MINK1: variants seen among roughly 807,000 people sequenced by gnomAD.
MINK1 encodes the protein misshapen like kinase 1, also known as misshapen-like kinase 1.
In MINK1, 46 loss-of-function variants were observed where a neutral mutation model predicts 178.4. The ratio of observed to expected loss-of-function variants is 0.26; its 90% confidence interval spans 0.20 to 0.33. The LOEUF is 0.33. Among genes scored for constraint, MINK1 ranks in the 10% least tolerant of loss-of-function variants. MINK1 has a pLI of 1.00. For synonymous variants in MINK1, 797 were observed against 709.7 expected (o/e 1.12, Z -1.96); for missense variants, 1,366 against 1,814.9 (o/e 0.75, Z 4.49).
intron 1 of MINK1, among the ~76,000 whole-genome samples, chr17:4,835,651 A>AAAAT (rs1332420810): frequency 6.6e-6 from 1 of 152,016 alleles, no homozygotes; most frequent in African/African-American, 2.4e-5. Flanking sequence ...AAAACAAAAA[A>AAAAT]ACGGGGCGGG....
At chr17:4,843,198 T>A (rs1910511408) in intron 1 of MINK1, among the ~76,000 whole-genome samples, 1 of 152,066 alleles carries the variant, frequency 6.6e-6, no homozygotes, top group African/African-American at 2.4e-5. Flanking sequence ...TGGTTTGGGC[T>A]GGGCGCAGTG....
intron 13 of MINK1, 26 bp from the exon 14 acceptor site, chr17:4,890,491 C>T (rs1430773991): frequency 5.1e-6 from 8 of 1,564,908 alleles, no homozygotes; most frequent in Non-Finnish European, 6.9e-6. Context: ...CCCTGCTGAG[C>T]CCTCTCTCCC....
At chr17:4,857,839 G>A (rs902327059) in intron 1 of MINK1, among the ~76,000 whole-genome samples, 2 of 151,948 alleles carry the variant, frequency 1.3e-5, no homozygotes, top group African/African-American at 4.8e-5. Flanking sequence ...CACACACACA[G>A]CCTTTAGCTA....
intron 1 of MINK1, among the ~76,000 whole-genome samples, chr17:4,864,148 C>T (rs948648165): frequency 6.6e-6 from 1 of 151,768 alleles, no homozygotes; most frequent in Non-Finnish European, 1.5e-5. Flanking sequence ...GCCTGTAATC[C>T]CGGCACTTTG....
At chr17:4,844,867 A>G (rs903849936) in intron 1 of MINK1, among the ~76,000 whole-genome samples, 5 of 152,134 alleles carry the variant, frequency 3.3e-5, no homozygotes, top group African/African-American at 9.7e-5. Flanking sequence ...AAGTATATGT[A>G]AGACTTACCA....
chr17:4,879,844 T>A (rs531866312), intron 2 of MINK1, among the ~76,000 whole-genome samples: 1 of 152,362 alleles, frequency 6.6e-6, no homozygotes, highest in South Asian at 2.1e-4. Flanking sequence ...GTCTCTGTTC[T>A]TTCCCTATCG....
chr17:4,878,238 G>A (rs1009980961), intron 1 of MINK1, 79 bp from the exon 2 acceptor site: 12 of 1,317,160 alleles, frequency 9.1e-6, no homozygotes, highest in Admixed American at 8.0e-5. Flanking sequence ...ATCTTGACTG[G>A]ATACCACTTT....
chr17:4,880,009 C>A (rs562266661), intron 2 of MINK1, among the ~76,000 whole-genome samples: 11 of 152,290 alleles, frequency 7.2e-5, no homozygotes, highest in Admixed American at 6.5e-4. Flanking sequence ...CCTACTGCCT[C>A]CATCCTCCGT....
At chr17:4,892,047 A>G in intron 16 of MINK1, 102 bp from the exon 17 acceptor site, 1 of 967,578 alleles carries the variant, frequency 1.0e-6, no homozygotes, top group Admixed American at 2.5e-5. Flanking sequence ...CAGTTTTCTC[A>G]TCCATCAAAG....
intron 1 of MINK1, among the ~76,000 whole-genome samples, chr17:4,838,681 C>T (rs1314971234): frequency 1.3e-5 from 2 of 152,150 alleles, no homozygotes; most frequent in Admixed American, 6.5e-5. Flanking sequence ...TAAAGCAATT[C>T]TGGACTGGAG....
chr17:4,845,091 G>T (rs1910820271), intron 1 of MINK1, among the ~76,000 whole-genome samples: 1 of 152,136 alleles, frequency 6.6e-6, no homozygotes, highest in Non-Finnish European at 1.5e-5. Context: ...GTTGAGCAGA[G>T]GGTCTGACCG....
chr17:4,892,207 C>A lies in MINK1; in HGVS notation c.2060C>A (p.Ser687Tyr), dbSNP rs148896757. The A allele has an allele frequency of 1.4e-4, 228 of 1,596,062 alleles. 1 individual carries two copies. The African/African-American group carries it at 2.7e-3, about 19-fold the overall frequency. ...TALNTSGAGG[S>Y]RPAQAVRARP... is the part of the protein sequence containing the mutation. ...CTTAACACCAGTGGGGCCGGAGGGT[C>A]CCGGCCAGCCCAGGCAGTCCGTGCC... Residue 687 changes from serine to tyrosine, a missense_variant, in exon 17 of 32, where the codon TCC (serine) becomes TAC (tyrosine). Physicochemically the swap from Ser to Tyr is moderately radical, Grantham distance 144. Transcript: ENST00000355280.
chr17:4,873,144 G>A (rs886410358), intron 1 of MINK1, among the ~76,000 whole-genome samples: 7 of 152,164 alleles, frequency 4.6e-5, no homozygotes, highest in South Asian at 2.1e-4. Flanking sequence ...CTCTTCTGGC[G>A]TCTGTTCTGC....
Position 4,891,252 on chromosome 17 carries a change from G to A in MINK1, c.1740+128G>A, listed in dbSNP as rs898259318. 6.6e-5 allele frequency: 77 copies of A among 1,158,794 alleles called. No homozygotes were observed. The East Asian group carries it at 2.0e-3, about 29-fold the overall frequency. The allele number at this position is 1,158,794 out of a possible 1,614,324, so 71.8% of individuals were successfully genotyped here. On this transcript the variant is annotated intron_variant, in intron 15 of 31. Coordinates refer to ENST00000355280, the MANE Select transcript of MINK1 (RefSeq NM_153827.5). ...TGCTCAGCCGTGAGCCAGGATTACA[G>A]AGCACAGGCTTTGTGGACAGACTCA...
chr17:4,876,440 A>G (rs1239842907), intron 1 of MINK1, among the ~76,000 whole-genome samples: 1 of 150,954 alleles, frequency 6.6e-6, no homozygotes, highest in Non-Finnish European at 1.5e-5. Context: ...AGAAAATGGA[A>G]AAAGTGCACA....
chr17:4,834,846 A>G, intron 1 of MINK1: 1 of 520,102 alleles, frequency 1.9e-6, no homozygotes, highest in Non-Finnish European at 3.8e-6. Context: ...GAACATGGCC[A>G]GTAGTGGGAA....
chr17:4,835,679 G>A (rs1909213068), intron 1 of MINK1, among the ~76,000 whole-genome samples: 1 of 152,138 alleles, frequency 6.6e-6, no homozygotes, highest in African/African-American at 2.4e-5. Context: ...CACAACCTTT[G>A]CTTTGAACCT....
chr17:4,875,699 G>A (rs1967117854), intron 1 of MINK1, among the ~76,000 whole-genome samples: 1 of 152,054 alleles, frequency 6.6e-6, no homozygotes, highest in Admixed American at 6.5e-5. Context: ...TTGAACCCAG[G>A]AGGTGGAGGT....
Position 4,895,795 on chromosome 17 carries a change from C to A in MINK1, c.3327C>A (p.Thr1109=). 6.2e-7 allele frequency: 1 copy of A among 1,613,722 alleles called. No homozygotes were observed. Among genetic ancestry groups the A allele is most frequent in the Non-Finnish European group, 8.5e-7 (1 of 1,179,808 alleles). Residue 1109 remains threonine (T), a synonymous_variant, in exon 27 of 32, where the codon ACC becomes ACA. Coordinates refer to ENST00000355280, the MANE Select transcript of MINK1 (RefSeq NM_153827.5). The surrounding 1 kb of genome is among the most constrained non-coding windows in gnomAD (Gnocchi z 4.3). ...PEVEKKQGWT[T]VGDMEGCGHY... ...TGGAGAAGAAGCAGGGCTGGACCAC[C>A]GTGGGGGACATGGAGGGCTGCGGGC...
Sources: gnomAD v4.1 joint callset for allele counts (sites outside exome capture counted in the v4.1 genomes callset) on GRCh38, gnomAD v4.1.1 for gene constraint, Gnocchi (gnomAD v3.1) non-coding constraint, MANE v1.5 for transcripts, NCBI Gene and HGNC (gene_info 2026-07-23, HGNC 2026-07-21) for gene names.